The following WWOX variants were observed in gnomAD, a reference collection of about 807,000 sequenced individuals.
WWOX encodes the protein WW domain containing oxidoreductase.
Under a neutral mutation model 46.2 loss-of-function variants are expected in WWOX, and 69 were observed. The ratio of observed to expected loss-of-function variants is 1.49; its 90% CI spans 1.23 to 1.82. The LOEUF is 1.82. WWOX is among the 40% of genes most tolerant of loss of function. The pLI, the probability that WWOX is intolerant of heterozygous loss-of-function variation, is 0.00. For missense variants in WWOX, 919 were observed against 542.6 expected (o/e 1.69, Z -6.89); for synonymous variants, 359 against 202.6 (o/e 1.77, Z -6.56).
intron 8 of WWOX, among the ~76,000 whole-genome samples, chr16:78,615,611 G>T (rs1353997644): frequency 6.6e-6 from 1 of 151,818 alleles, no homozygotes; most frequent in Non-Finnish European, 1.5e-5. Context: ...AGCTATGTTC[G>T]CACCACTGTA....
intron 8 of WWOX, among the ~76,000 whole-genome samples, chr16:78,769,504 T>C (rs1427342209): frequency 6.6e-6 from 1 of 151,530 alleles, no homozygotes; most frequent in Non-Finnish European, 1.5e-5. Flanking sequence ...AATTAACAAA[T>C]GTAATCCCTC....
intron 8 of WWOX, among the ~76,000 whole-genome samples, chr16:78,600,126 A>C (rs146036112): frequency 0.014 from 2,189 of 152,098 alleles, 31 homozygotes; most frequent in Middle Eastern, 0.071. Context: ...TTATAAAACC[A>C]TCAGATCTCG....
Position 78,827,331 on chromosome 16 carries a change from T to A in WWOX, c.1057-384277T>A, listed in dbSNP as rs557238716. Among the ~76,000 whole-genome samples, 3 of 152,254 alleles carry A rather than the reference T, an allele frequency of 2.0e-5. No individual in the cohort carries two copies. The East Asian group carries it at 5.8e-4, about 29-fold the overall frequency. On this transcript the variant is annotated intron_variant, in intron 8 of 8. Coordinates refer to ENST00000566780, the MANE Select transcript of WWOX (RefSeq NM_016373.4). ...AGCACCATGTGTGGGGGAAGCACGA[T>A]GATCTTGACCATTTTACAGATGAGG...
intron 8 of WWOX, among the ~76,000 whole-genome samples, chr16:78,729,752 A>G (rs1039500559): frequency 2.0e-5 from 3 of 152,166 alleles, no homozygotes. Flanking sequence ...ACTAATGCAA[A>G]TGGGCTTTGC....
chr16:78,863,708 C>T (rs1035737968), intron 8 of WWOX, among the ~76,000 whole-genome samples: 2 of 152,176 alleles, frequency 1.3e-5, no homozygotes, highest in Non-Finnish European at 1.5e-5. Context: ...ATCTGTTGAA[C>T]CGGCAAAACA....
chr16:78,647,086 C>G (rs755974635), intron 8 of WWOX, among the ~76,000 whole-genome samples: 1 of 152,290 alleles, frequency 6.6e-6, no homozygotes, highest in South Asian at 2.1e-4. Context: ...CCGATGATGG[C>G]CAAGCCTTGA....
chr16:78,263,994 A>ATTTTTTTTTTTT (rs1597419237), intron 5 of WWOX, among the ~76,000 whole-genome samples: 12 of 41,460 alleles, frequency 2.9e-4, no homozygotes, highest in Admixed American at 6.4e-4. Context: ...TGGCTGTGAA[A>ATTTTTTTTTTTT]TCTTTTTTTT....
At chr16:78,702,685 G>T (rs2048250391) in intron 8 of WWOX, among the ~76,000 whole-genome samples, 1 of 150,514 alleles carries the variant, frequency 6.6e-6, no homozygotes, top group African/African-American at 2.4e-5. Flanking sequence ...AAAAAGAAAT[G>T]ATGTAACTGG....
chr16:78,881,466 C>T (rs569847386), intron 8 of WWOX, among the ~76,000 whole-genome samples: 1 of 152,092 alleles, frequency 6.6e-6, no homozygotes, highest in Non-Finnish European at 1.5e-5. Context: ...TAAAAGTTTC[C>T]AATGCATTTA....
intron 5 of WWOX, among the ~76,000 whole-genome samples, chr16:78,234,206 T>C (rs934606144): frequency 3.3e-5 from 5 of 152,180 alleles, no homozygotes; most frequent in African/African-American, 1.2e-4. Context: ...AATGTTAATA[T>C]ACAGCCTTTA....
intron 8 of WWOX, among the ~76,000 whole-genome samples, chr16:78,615,732 T>C (rs1345834190): frequency 6.6e-6 from 1 of 151,920 alleles, no homozygotes; most frequent in Non-Finnish European, 1.5e-5. Context: ...AGAAATGCTG[T>C]TTTAGGAAAT....
intron 8 of WWOX, among the ~76,000 whole-genome samples, chr16:78,555,668 G>A (rs1347646610): frequency 6.6e-6 from 1 of 151,506 alleles, no homozygotes; most frequent in Non-Finnish European, 1.5e-5. Flanking sequence ...TATGAGCAAG[G>A]CAAAAGGGAC....
intron 8 of WWOX, among the ~76,000 whole-genome samples, chr16:78,913,384 G>A (rs117270810): frequency 0.012 from 1,802 of 152,038 alleles, 41 homozygotes; most frequent in South Asian, 0.027. Context: ...ACTGTTGGAA[G>A]ACGAGACGTT....
chr16:78,560,881 T>A (rs567837143), intron 8 of WWOX, among the ~76,000 whole-genome samples: 1 of 152,216 alleles, frequency 6.6e-6, no homozygotes, highest in African/African-American at 2.4e-5. Context: ...TTGCTATTGC[T>A]GTGTAACAAA....
intron 5 of WWOX, among the ~76,000 whole-genome samples, chr16:78,253,899 C>T (rs977878847): frequency 1.1e-4 from 17 of 152,118 alleles, no homozygotes; most frequent in South Asian, 2.1e-4. Context: ...CCTCCAGCCT[C>T]GCATTCCCCT....
chr16:79,154,334 T>C (rs1309005382), intron 8 of WWOX, among the ~76,000 whole-genome samples: 4 of 152,202 alleles, frequency 2.6e-5, no homozygotes, highest in African/African-American at 4.8e-5. Context: ...TTTCTGAAGA[T>C]TGCCTGTCCT....
At chr16:79,073,478 C>A (rs927708359) in intron 8 of WWOX, among the ~76,000 whole-genome samples, 1 of 152,070 alleles carries the variant, frequency 6.6e-6, no homozygotes, top group Admixed American at 6.5e-5. Context: ...CCGCGCCTGG[C>A]TTTGTTATTA....
chr16:79,029,784 A>G (rs1597300415), intron 8 of WWOX, among the ~76,000 whole-genome samples: 2 of 152,278 alleles, frequency 1.3e-5, no homozygotes, highest in South Asian at 2.1e-4. Flanking sequence ...CCCTGGATTT[A>G]TTGGTCTTTG....
chr16:78,506,554 G>C (rs187744513), intron 8 of WWOX: 1 of 152,166 alleles, frequency 6.6e-6, no homozygotes, highest in East Asian at 1.9e-4. Context: ...CTGGATGCAG[G>C]GACACAGAAT....
Sources: gnomAD v4.1 joint callset for allele counts (sites outside exome capture counted in the v4.1 genomes callset) on GRCh38, gnomAD v4.1.1 for gene constraint, MANE v1.5 for transcripts, NCBI Gene and HGNC (gene_info 2026-07-23, HGNC 2026-07-21) for gene names.